USP13: variants seen among roughly 807,000 people sequenced by gnomAD.
USP13 encodes the protein ubiquitin carboxyl-terminal hydrolase 13.
Under a neutral mutation model 107.8 loss-of-function variants are expected in USP13, and 68 were observed. The ratio of observed to expected loss-of-function variants is 0.63; its 90% CI spans 0.52 to 0.77. USP13 has a LOEUF of 0.77. USP13 is among the 30% of genes least tolerant of loss of function. USP13 has a pLI of 0.00. For missense variants in USP13, 945 were observed against 1,093.3 expected (o/e 0.86, Z 1.91); for synonymous variants, 377 against 389.5 (o/e 0.97, Z 0.38).
chr3:179,714,628 C>A (rs1406592006), intron 6 of USP13, among the ~76,000 whole-genome samples: 1 of 152,170 alleles, frequency 6.6e-6, no homozygotes, highest in Non-Finnish European at 1.5e-5. Flanking sequence ...GACACACCAA[C>A]AAAATCTGCT....
rs9849363 is a variant in USP13 at position 179,743,652 on chromosome 3, G to A, written c.1534+1302G>A. Among the ~76,000 whole-genome samples, 643 of 152,096 alleles carry A rather than the reference G, an allele frequency of 4.2e-3. 7 individuals carry two copies. Among genetic ancestry groups the A allele is most frequent in the African/African-American group, 0.015 (605 of 41,492 alleles). ...TAGGCTGCAGTGGTTTCTCTTGTCC[G>A]CCTCAGGGTTACTGACTCACGTGTC... On this transcript the variant is annotated intron_variant, in intron 12 of 20. Coordinates refer to ENST00000263966, the MANE Select transcript of USP13 (RefSeq NM_003940.3).
In USP13 at chr3:179,653,210, G is replaced by A; in HGVS notation, c.-16G>A. The A allele has an allele frequency of 6.7e-7, 1 of 1,490,320 alleles. No individual in the cohort carries two copies. Among genetic ancestry groups the A allele is most frequent in the Non-Finnish European group, 8.9e-7 (1 of 1,120,138 alleles). The allele number at this position is 1,490,320 out of a possible 1,614,324, so 92.3% of individuals were successfully genotyped here. ...GCTCCGGCTCGGCTCGCTCGGCTCC[G>A]GTGCGCGCCGAGGCCATGCAGCGCC... On this transcript the variant is annotated 5_prime_UTR_variant, in exon 1 of 21. Transcript: ENST00000263966. This position sits in a 1 kb window ranked among gnomAD's most constrained non-coding sequence, Gnocchi z 4.0.
At chr3:179,779,276 G>A (rs752650533) in intron 19 of USP13, among the ~76,000 whole-genome samples, 3 of 151,818 alleles carry the variant, frequency 2.0e-5, no homozygotes, top group Non-Finnish European at 2.9e-5. Context: ...GCTCATGCCT[G>A]TAATTCCAGC....
intron 1 of USP13, among the ~76,000 whole-genome samples, chr3:179,666,212 T>C (rs951849989): frequency 6.6e-6 from 1 of 152,094 alleles, no homozygotes; most frequent in African/African-American, 2.4e-5. Context: ...GGGAACAGCA[T>C]GAGGATGGTG....
At position 179,653,173 on chromosome 3, in the gene USP13, C is replaced by A; in HGVS notation, c.-53C>A. The A allele has an allele frequency of 8.6e-7, 1 of 1,156,340 alleles. No homozygotes were observed. The highest frequency in any genetic ancestry group is 1.1e-6 in the Non-Finnish European group (1 of 937,396). The allele number at this position is 1,156,340 out of a possible 1,614,324, so 71.6% of individuals were successfully genotyped here. ...CGCTGGCGCCGCCGCCGCCGGCAGA[C>A]CCCGCGCTCCGGCTCCGGCTCGGCT... is the stretch of plus-strand genomic sequence containing the variant. On this transcript the variant is annotated 5_prime_UTR_variant, in exon 1 of 21. Transcript: ENST00000263966. This position sits in a 1 kb window ranked among gnomAD's most constrained non-coding sequence, Gnocchi z 4.0.
intron 2 of USP13, among the ~76,000 whole-genome samples, chr3:179,688,099 G>GTCCATCCATCCATCCATCCATCCATCCA (rs763601246): frequency 1.1e-4 from 16 of 140,532 alleles, no homozygotes; most frequent in African/African-American, 4.0e-4. Context: ...CCATCCATCC[G>GTCCATCCATCCATCCATCCATCCATCCA]TCCATCCATC....
At chr3:179,709,069 G>C (rs1712831211) in intron 6 of USP13, 112 bp downstream of exon 6, 2 of 1,283,140 alleles carry the variant, frequency 1.6e-6, no homozygotes, top group South Asian at 1.6e-5. Context: ...GACAGCCCAG[G>C]TTTGAATTCT....
chr3:179,731,227 A>G (rs1268376096), intron 10 of USP13, among the ~76,000 whole-genome samples: 1 of 152,182 alleles, frequency 6.6e-6, no homozygotes, highest in Non-Finnish European at 1.5e-5. Flanking sequence ...CCTGGCCAAC[A>G]TGGTGAAACC....
chr3:179,732,162 A>G (rs1445300146), intron 10 of USP13, among the ~76,000 whole-genome samples: 1 of 152,202 alleles, frequency 6.6e-6, no homozygotes, highest in East Asian at 1.9e-4. Flanking sequence ...ATTGTTACCC[A>G]GCATTGTAAG....
At chr3:179,781,874 C>G in intron 20 of USP13, 51 bp downstream of exon 20, 1 of 1,472,824 alleles carries the variant, frequency 6.8e-7, no homozygotes, top group Non-Finnish European at 9.5e-7. Flanking sequence ...TGAGTACCTA[C>G]TATATGCCAG....
chr3:179,778,937 C>T (rs1335886249), intron 19 of USP13, among the ~76,000 whole-genome samples: 1 of 151,952 alleles, frequency 6.6e-6, no homozygotes, highest in African/African-American at 2.4e-5. Flanking sequence ...GACATTTGGA[C>T]CTGAGATCTC....
In USP13 at chr3:179,653,088, C is replaced by T. The variant is rs1720130773; in HGVS notation, c.-138C>T. ...CCGCTCCCGCCCCGCAGCCCGCTCT[C>T]CCCGCCCGCCCCGGCTCGGCCGGCT... On this transcript the variant is annotated 5_prime_UTR_variant, in exon 1 of 21. Coordinates refer to ENST00000263966, the MANE Select transcript of USP13 (RefSeq NM_003940.3). This position sits in a 1 kb window ranked among gnomAD's most constrained non-coding sequence, Gnocchi z 4.0. The T allele has an allele frequency of 2.6e-6, 2 of 764,032 alleles. No individual in the cohort carries two copies. The highest frequency in any genetic ancestry group is 1.6e-6 in the Non-Finnish European group (1 of 629,116). The allele number at this position is 764,032 out of a possible 1,614,324, so 47.3% of individuals were successfully genotyped here.
intron 6 of USP13, among the ~76,000 whole-genome samples, chr3:179,717,585 T>A (rs1713150958): frequency 6.6e-6 from 1 of 152,216 alleles, no homozygotes; most frequent in Non-Finnish European, 1.5e-5. Context: ...ACAGCCCTGA[T>A]CATTAGAGGC....
At chr3:179,708,372 TCTCGGCCCACTGCAACCTCCG>T (rs1712799042) in intron 5 of USP13, among the ~76,000 whole-genome samples, 10 of 151,786 alleles carry the variant, frequency 6.6e-5, no homozygotes, top group African/African-American at 2.4e-4. Flanking sequence ...AGTGGCACAA[TCTCGGCCCACTGCAACCTCCG>T]CCTCTCGGGT....
chr3:179,662,839 T>G lies in USP13; in HGVS notation c.168+9446T>G, dbSNP rs187297999. ...CATCTGTGCAACTCTGAATTCTCTT[T>G]TTCCTCCCCTGCATTCCTCTCCCTA... On this transcript the variant is annotated intron_variant, in intron 1 of 20. Coordinates refer to ENST00000263966, the MANE Select transcript of USP13 (RefSeq NM_003940.3). Among the ~76,000 whole-genome samples, 221 of 152,278 alleles carry G rather than the reference T, an allele frequency of 1.5e-3. 1 individual carries two copies. Among genetic ancestry groups the G allele is most frequent in the Admixed American group, 3.9e-3 (59 of 15,286 alleles).
intron 1 of USP13, among the ~76,000 whole-genome samples, chr3:179,674,168 C>T (rs960023746): frequency 2.6e-5 from 4 of 152,166 alleles, no homozygotes; most frequent in Admixed American, 6.5e-5. Flanking sequence ...GTTGGGATTA[C>T]AGGTGTGAGC....
chr3:179,677,799 T>A (rs1328391089), intron 1 of USP13, among the ~76,000 whole-genome samples: 1 of 152,168 alleles, frequency 6.6e-6, no homozygotes, highest in African/African-American at 2.4e-5. Context: ...GCCTAGTGTT[T>A]TTTTCTGACA....
intron 19 of USP13, among the ~76,000 whole-genome samples, chr3:179,771,436 TCTC>T (rs1160896421): frequency 6.6e-6 from 1 of 152,164 alleles, no homozygotes; most frequent in African/African-American, 2.4e-5. Context: ...GACAGGTTGA[TCTC>T]CTTCAAGCAC....
intron 10 of USP13, among the ~76,000 whole-genome samples, chr3:179,732,244 G>T (rs1713833877): frequency 1.3e-5 from 2 of 152,214 alleles, no homozygotes; most frequent in African/African-American, 2.4e-5. Context: ...TGGCTTGAGG[G>T]TAGGGCTGGA....
Sources: gnomAD v4.1 joint callset for allele counts (sites outside exome capture counted in the v4.1 genomes callset) on GRCh38, gnomAD v4.1.1 for gene constraint, Gnocchi (gnomAD v3.1) non-coding constraint, MANE v1.5 for transcripts, NCBI Gene and HGNC (gene_info 2026-07-23, HGNC 2026-07-21) for gene names.